The following UVRAG variants were observed in gnomAD, a reference collection of about 807,000 sequenced individuals.
UVRAG encodes the protein UV radiation resistance associated.
A neutral mutation model predicts 78.0 loss-of-function variants in UVRAG; 19 were observed. That is an observed-to-expected ratio of 0.24 (90% CI 0.17 to 0.36). The LOEUF (loss-of-function observed/expected upper bound fraction) is 0.36, where lower values mean the gene tolerates loss of function less well. UVRAG is among the 10% of genes least tolerant of loss of function. UVRAG has a pLI of 1.00. For synonymous variants in UVRAG, 323 were observed against 324.6 expected, an observed-to-expected ratio of 1.00 and a Z score of 0.05; for missense variants, 740 against 853.8, an observed-to-expected ratio of 0.87 and a Z score of 1.66.
At chr11:75,815,891 C>T (rs112013441) in intron 1 of UVRAG, among the ~76,000 whole-genome samples, 144 of 152,364 alleles carry the variant, frequency 9.5e-4, no homozygotes, top group African/African-American at 3.4e-3. Flanking sequence ...GGGGAACCCC[C>T]TGTGTCCCAC....
chr11:75,960,295 A>G (rs146557338), intron 6 of UVRAG, among the ~76,000 whole-genome samples: 78 of 152,048 alleles, frequency 5.1e-4, no homozygotes, highest in Non-Finnish European at 8.5e-4. Flanking sequence ...CAGAAATATA[A>G]TTGATTTTTT....
chr11:75,935,865 C>T (rs1948364683), intron 6 of UVRAG, among the ~76,000 whole-genome samples: 1 of 152,198 alleles, frequency 6.6e-6, no homozygotes, highest in Non-Finnish European at 1.5e-5. Context: ...ACTGGCATCT[C>T]ATTCATCCAT....
intron 7 of UVRAG, among the ~76,000 whole-genome samples, chr11:75,971,439 A>G (rs1249492205): frequency 6.6e-6 from 1 of 152,192 alleles, no homozygotes. Context: ...AAGTGGCTGT[A>G]CCATTTTGCA....
intron 3 of UVRAG, among the ~76,000 whole-genome samples, chr11:75,872,549 G>A (rs1256685580): frequency 2.0e-5 from 3 of 151,890 alleles, no homozygotes; most frequent in African/African-American, 4.8e-5. Flanking sequence ...CACCACGCCC[G>A]GCTAATTTTT....
At chr11:75,816,875 G>A (rs1426060619) in intron 1 of UVRAG, among the ~76,000 whole-genome samples, 1 of 152,102 alleles carries the variant, frequency 6.6e-6, no homozygotes. Context: ...GGGGCTAAAG[G>A]GAAGAGAAGA....
At chr11:76,133,684 C>T (rs556836355) in intron 14 of UVRAG, among the ~76,000 whole-genome samples, 13 of 152,242 alleles carry the variant, frequency 8.5e-5, no homozygotes, top group Middle Eastern at 6.8e-3. Context: ...TAAATTCATG[C>T]AGAACAAGGA....
At chr11:76,024,422 T>G (rs1950295237) in intron 12 of UVRAG, among the ~76,000 whole-genome samples, 1 of 152,164 alleles carries the variant, frequency 6.6e-6, no homozygotes, top group Non-Finnish European at 1.5e-5. Flanking sequence ...GGAATTGCAT[T>G]TTGGTGAATG....
At chr11:75,990,557 A>G (rs1429856870) in intron 8 of UVRAG, among the ~76,000 whole-genome samples, 4 of 152,190 alleles carry the variant, frequency 2.6e-5, no homozygotes, top group East Asian at 3.8e-4. Flanking sequence ...ATGACTTACA[A>G]AGGCCTCCAA....
At chr11:75,849,135 G>A (rs575645472) in intron 1 of UVRAG, among the ~76,000 whole-genome samples, 2 of 152,144 alleles carry the variant, frequency 1.3e-5, no homozygotes, top group East Asian at 1.9e-4. Flanking sequence ...CCGACATGGC[G>A]CCATTGCACT....
chr11:76,096,142 T>C (rs1951782207), intron 13 of UVRAG, among the ~76,000 whole-genome samples: 2 of 152,158 alleles, frequency 1.3e-5, no homozygotes, highest in Admixed American at 1.3e-4. Flanking sequence ...TAGACACTCA[T>C]AGTCTCTCTG....
rs7940727 is a variant in UVRAG, at chr11:76,058,901, C to T, written c.1227-6809C>T. ...GGAAAGCAAGAAAGATGGACACCTT[C>T]GAGAAGTAAGTAAAGGCAGAGAAAG... On this transcript the variant is annotated intron_variant, in intron 12 of 14. Coordinates refer to ENST00000356136, the MANE Select transcript of UVRAG (RefSeq NM_003369.4). 7.9e-3 allele frequency among the ~76,000 whole-genome samples: 1,205 copies of T among 152,200 alleles called. 20 individuals are homozygous for T. The highest frequency in any genetic ancestry group is 0.027 in the African/African-American group (1,141 of 41,514).
chr11:75,909,581 C>T (rs182053913), intron 5 of UVRAG, among the ~76,000 whole-genome samples: 1 of 152,194 alleles, frequency 6.6e-6, no homozygotes, highest in Admixed American at 6.5e-5. Context: ...AAAAGCTTTG[C>T]TTCTGTATAG....
At position 76,128,263 on chromosome 11, in the gene UVRAG, A is replaced by T. The variant is rs140190465; in HGVS notation, c.1397+12248A>T. 1.5e-3 allele frequency among the ~76,000 whole-genome samples: 225 copies of T among 152,156 alleles called. 4 individuals are homozygous for T. The East Asian group carries it at 0.031, about 21-fold the overall frequency. On this transcript the variant is annotated intron_variant, in intron 14 of 14. Transcript: ENST00000356136. ...AGGAGTGCAAACCCTACTGTGAACT[A>T]CTCACGCGGGGGATCTAGGTTGTGT...
chr11:75,833,148 C>T (rs1218849407), intron 1 of UVRAG, among the ~76,000 whole-genome samples: 1 of 152,074 alleles, frequency 6.6e-6, no homozygotes, highest in Non-Finnish European at 1.5e-5. Flanking sequence ...GGAAAAATGG[C>T]ACCTTTTATT....
intron 6 of UVRAG, among the ~76,000 whole-genome samples, chr11:75,931,118 T>A (rs1260749460): frequency 2.0e-5 from 3 of 151,904 alleles, no homozygotes; most frequent in Non-Finnish European, 4.4e-5. Flanking sequence ...TTTTTGGGAG[T>A]TTGTTTCTCT....
intron 2 of UVRAG, among the ~76,000 whole-genome samples, chr11:75,858,164 G>GTA (rs1426225863): frequency 1.8e-4 from 27 of 151,086 alleles, no homozygotes; most frequent in East Asian, 3.9e-4. Flanking sequence ...ATATATATGT[G>GTA]TATATATATA....
chr11:76,076,238 C>A (rs191885165), intron 13 of UVRAG, among the ~76,000 whole-genome samples: 1 of 152,258 alleles, frequency 6.6e-6, no homozygotes, highest in Admixed American at 6.5e-5. Context: ...TTAGTCTGTT[C>A]TCATGCTGCT....
At chr11:75,942,954 G>A (rs1336102777) in intron 6 of UVRAG, among the ~76,000 whole-genome samples, 2 of 152,042 alleles carry the variant, frequency 1.3e-5, no homozygotes, top group African/African-American at 2.4e-5. Context: ...CCAGCTACTC[G>A]GGAGGCTGAG....
rs529383707 is a variant in UVRAG at position 75,957,592 on chromosome 11, G to A, written c.594-3852G>A. On this transcript the variant is annotated intron_variant, in intron 6 of 14. Transcript: ENST00000356136. ...TGTCAAAAAAAAATCCTTTGGGACC[G>A]TGATTAGGAGTCTCAAGCTATTTAC... 5.9e-5 allele frequency among the ~76,000 whole-genome samples: 9 copies of A among 152,094 alleles called. No individual in the cohort carries two copies. The South Asian group carries it at 6.2e-4, about 11-fold the overall frequency.
Sources: allele counts gnomAD v4.1 joint callset (sites outside exome capture counted in the v4.1 genomes callset), GRCh38; gene constraint gnomAD v4.1.1; transcripts MANE v1.5; gene names NCBI Gene and HGNC (gene_info 2026-07-23, HGNC 2026-07-21).